PCDH15: variants seen among roughly 807,000 people sequenced by gnomAD.
PCDH15 encodes protocadherin-15.
In PCDH15, 129 loss-of-function variants were observed where a neutral mutation model predicts 178.5. The observed-to-expected ratio is 0.72, with a 90% CI of 0.63 to 0.84. The LOEUF is 0.84. Ranked by LOEUF, PCDH15 falls within the 40% of genes least tolerant of loss-of-function variation. PCDH15 has a pLI of 0.00. For synonymous variants in PCDH15, 800 were observed against 732.0 expected (o/e 1.09, Z -1.50); for missense variants, 2,230 against 2,099.9 (o/e 1.06, Z -1.21).
At chr10:54,161,348 A>C (rs1050028453) in intron 13 of PCDH15, among the ~76,000 whole-genome samples, 1 of 152,208 alleles carries the variant, frequency 6.6e-6, no homozygotes, top group Non-Finnish European at 1.5e-5. Flanking sequence ...CTAGACAAGG[A>C]AAACTTTTAG....
chr10:55,221,052 A>G (rs1389391831), intron 1 of PCDH15, among the ~76,000 whole-genome samples: 2 of 152,160 alleles, frequency 1.3e-5, no homozygotes, highest in Non-Finnish European at 2.9e-5. Context: ...ATATAATGTG[A>G]TGCTTTTCAG....
At chr10:55,452,427 C>A (rs1839456072) in intron 2 of PCDH15, among the ~76,000 whole-genome samples, 1 of 152,206 alleles carries the variant, frequency 6.6e-6, no homozygotes, top group African/African-American at 2.4e-5. Context: ...CTGAATTCAC[C>A]TAGGAAGGTT....
chr10:54,076,747 C>T (rs993193828), intron 17 of PCDH15, among the ~76,000 whole-genome samples: 1 of 152,054 alleles, frequency 6.6e-6, no homozygotes, highest in Non-Finnish European at 1.5e-5. Context: ...AATAAACTCA[C>T]AATGACCAAT....
intron 2 of PCDH15, among the ~76,000 whole-genome samples, chr10:54,980,132 C>T (rs556639760): frequency 6.6e-6 from 1 of 152,242 alleles, no homozygotes; most frequent in Admixed American, 6.5e-5. Flanking sequence ...GCCATCAAAC[C>T]TTGGAGATGA....
intron 2 of PCDH15, among the ~76,000 whole-genome samples, chr10:55,605,701 TC>T (rs1436663019): frequency 8.8e-6 from 1 of 113,846 alleles, no homozygotes; most frequent in Non-Finnish European, 1.8e-5. Context: ...CAACAACGCT[TC>T]ATGCTAAAAA....
intron 2 of PCDH15, among the ~76,000 whole-genome samples, chr10:54,655,390 G>A (rs537447518): frequency 6.6e-6 from 1 of 151,104 alleles, no homozygotes; most frequent in Admixed American, 6.6e-5. Context: ...AGTTACCTCA[G>A]AAATAACATC....
At chr10:55,342,609 G>T (rs960851998) in intron 2 of PCDH15, among the ~76,000 whole-genome samples, 2 of 151,998 alleles carry the variant, frequency 1.3e-5, no homozygotes, top group African/African-American at 4.8e-5. Flanking sequence ...TGTGCCTGTG[G>T]TTGTTTTAAA....
intron 3 of PCDH15, among the ~76,000 whole-genome samples, chr10:54,407,871 T>C (rs528159310): frequency 5.3e-5 from 8 of 151,868 alleles, no homozygotes; most frequent in African/African-American, 1.7e-4. Flanking sequence ...GCCTGGCCAA[T>C]ATGGCAATAC....
chr10:53,936,834 G>A (rs562526378), intron 25 of PCDH15, among the ~76,000 whole-genome samples: 1 of 151,998 alleles, frequency 6.6e-6, no homozygotes, highest in Non-Finnish European at 1.5e-5. Context: ...TAATTCTGCT[G>A]CAGAGATGAA....
At chr10:53,973,461 C>A (rs1305583705) in intron 21 of PCDH15, among the ~76,000 whole-genome samples, 21 of 151,810 alleles carry the variant, frequency 1.4e-4, no homozygotes, top group Non-Finnish European at 2.6e-4. Flanking sequence ...ATTAAAAAAA[C>A]AAATCAATAT....
chr10:55,448,839 T>C (rs1839372805), intron 2 of PCDH15, among the ~76,000 whole-genome samples: 1 of 152,038 alleles, frequency 6.6e-6, no homozygotes, highest in Admixed American at 6.6e-5. Flanking sequence ...CAGTTGCTGA[T>C]ACATTTCTTA....
At chr10:55,204,157 A>G (rs566545528) in intron 1 of PCDH15, among the ~76,000 whole-genome samples, 1 of 148,712 alleles carries the variant, frequency 6.7e-6, no homozygotes, top group African/African-American at 2.4e-5. Flanking sequence ...AATATTTAAT[A>G]TATTTAAAGG....
intron 3 of PCDH15, among the ~76,000 whole-genome samples, chr10:54,464,477 G>C (rs1382939400): frequency 6.6e-6 from 1 of 151,958 alleles, no homozygotes; most frequent in African/African-American, 2.4e-5. Flanking sequence ...TGCATTTTGG[G>C]GGAAATATAT....
At chr10:54,153,390 A>T in intron 13 of PCDH15, 97 bp from the exon 14 acceptor site, 1 of 1,361,956 alleles carries the variant, frequency 7.3e-7, no homozygotes, top group Non-Finnish European at 1.0e-6. Flanking sequence ...TTTCAAAGAA[A>T]AAAACACAGG....
chr10:55,477,210 T>C (rs1047022233), intron 2 of PCDH15, among the ~76,000 whole-genome samples: 1 of 151,786 alleles, frequency 6.6e-6, no homozygotes. Context: ...TTTTTCCTCC[T>C]AGATAGGAGA....
chr10:54,015,033 T>C (rs987324506), intron 20 of PCDH15, among the ~76,000 whole-genome samples: 2 of 152,144 alleles, frequency 1.3e-5, no homozygotes, highest in African/African-American at 4.8e-5. Context: ...CCAAAACTCC[T>C]TGATCTAATA....
intron 3 of PCDH15, among the ~76,000 whole-genome samples, chr10:54,506,682 AC>A (rs1332476116): frequency 1.3e-5 from 2 of 152,062 alleles, no homozygotes; most frequent in African/African-American, 4.8e-5. Flanking sequence ...TGAATTGCCT[AC>A]AAAAACTGGA....
At chr10:55,349,267 C>G (rs1343866602) in intron 2 of PCDH15, among the ~76,000 whole-genome samples, 3 of 152,094 alleles carry the variant, frequency 2.0e-5, no homozygotes, top group Non-Finnish European at 4.4e-5. Flanking sequence ...GAAGACCCTG[C>G]CAACTCTCAA....
intron 2 of PCDH15, among the ~76,000 whole-genome samples, chr10:54,997,942 T>G (rs1031183414): frequency 6.6e-6 from 1 of 152,130 alleles, no homozygotes; most frequent in Non-Finnish European, 1.5e-5. Context: ...AGAAATGTAT[T>G]TTTTAAAATT....
Sources: gnomAD v4.1 joint callset for allele counts (sites outside exome capture counted in the v4.1 genomes callset) on GRCh38, gnomAD v4.1.1 for gene constraint, MANE v1.5 for transcripts, NCBI Gene and HGNC (gene_info 2026-07-23, HGNC 2026-07-21) for gene names.